MED6: variants seen among roughly 807,000 people sequenced by gnomAD.
MED6 encodes the protein mediator of RNA polymerase II transcription subunit 6.
MED6 carries 33 observed loss-of-function variants against 37.5 expected under a neutral mutation model. The ratio of observed to expected loss-of-function variants is 0.88; its 90% CI spans 0.67 to 1.18. The LOEUF is 1.18. Ranked by LOEUF, MED6 falls within the 50% of genes most tolerant of loss-of-function variation. The pLI, the probability that MED6 is intolerant of heterozygous loss-of-function variation, is 0.00. For missense variants in MED6, 235 were observed against 290.6 expected (o/e 0.81, Z 1.39); for synonymous variants, 94 against 93.6 (o/e 1.00, Z -0.02).
chr14:70,594,934 T>G, intron 3 of MED6: 1 of 609,818 alleles, frequency 1.6e-6, no homozygotes. Flanking sequence ...GGTCAGAGAT[T>G]GGGGCCATTA....
intron 6 of MED6, among the ~76,000 whole-genome samples, chr14:70,589,987 T>G (rs1388195056): frequency 1.3e-5 from 2 of 152,244 alleles, no homozygotes; most frequent in African/African-American, 2.4e-5. Context: ...AAACATGTAT[T>G]TTATTTAACC....
chr14:70,585,814 G>C (rs10137634), intron 6 of MED6, 31 bp from the exon 7 acceptor site: 2 of 1,592,202 alleles, frequency 1.3e-6, no homozygotes, highest in East Asian at 2.3e-5. Context: ...GGGAGGGAGA[G>C]GAAGAGGAAA....
chr14:70,595,001 C>G (rs1245256297), intron 3 of MED6: 1 of 582,818 alleles, frequency 1.7e-6, no homozygotes, highest in Non-Finnish European at 3.4e-6. Context: ...GTGGACAATG[C>G]CCACATTGTT....
chr14:70,599,128 C>T (rs1358153044), intron 1 of MED6, among the ~76,000 whole-genome samples: 1 of 152,056 alleles, frequency 6.6e-6, no homozygotes, highest in African/African-American at 2.4e-5. Context: ...GGTTGAAAAA[C>T]TTCAATCTCT....
At chr14:70,595,349 G>C in intron 3 of MED6, 1 of 560,514 alleles carries the variant, frequency 1.8e-6, no homozygotes, top group Non-Finnish European at 3.4e-6. Context: ...ACAAGTACTG[G>C]TCTCAGCAGA....
At chr14:70,588,216 T>C (rs1714994360) in intron 6 of MED6, among the ~76,000 whole-genome samples, 1 of 152,228 alleles carries the variant, frequency 6.6e-6, no homozygotes, top group Non-Finnish European at 1.5e-5. Context: ...ATCTTTCTCC[T>C]AGTTATGTTA....
chr14:70,593,368 T>C lies in MED6; in HGVS notation c.285A>G (p.Leu95=). ...QRQSPAQVIP[L]ADYYIIAGVI... ...CTCCAGCAATGATATAGTAATCAGCTAGTGGGATAACTAAAACAGTGGGAA... is the reference window on the plus strand; with the variant it reads ...CTCCAGCAATGATATAGTAATCAGCCAGTGGGATAACTAAAACAGTGGGAA... The change falls in exon 4 of 8, where the codon CTA becomes CTG. Residue 95 remains leucine, a synonymous_variant. Transcript: ENST00000256379. 6.2e-7 allele frequency: 1 copy of C among 1,613,058 alleles called. No individual in the cohort carries two copies. The highest frequency in any genetic ancestry group is 8.5e-7 in the Non-Finnish European group (1 of 1,179,174).
At position 70,596,711 on chromosome 14, in the gene MED6, A is replaced by G; in HGVS notation, c.183-9T>C. 6.3e-7 allele frequency: 1 copy of G among 1,598,996 alleles called. No homozygotes were observed. The highest frequency in any genetic ancestry group is 1.1e-5 in the South Asian group (1 of 90,538). ...CGATTCCAACCATCTGACTGAAAAC[A>G]GAACACAGACATCCAAAGATCTATA... On this transcript the variant is annotated splice_polypyrimidine_tract_variant and intron_variant, in intron 2 of 7. Coordinates refer to ENST00000256379, the MANE Select transcript of MED6 (RefSeq NM_005466.4).
At chr14:70,596,404 G>A (rs558893023) in intron 3 of MED6, 8 of 458,448 alleles carry the variant, frequency 1.7e-5, no homozygotes, top group South Asian at 3.6e-5. Flanking sequence ...ATCTGGCTGC[G>A]TACCCTTACT....
chr14:70,597,654 A>G lies in MED6; in HGVS notation c.146T>C (p.Val49Ala). 6.5e-7 allele frequency: 1 copy of G among 1,533,986 alleles called. No homozygotes were observed. The highest frequency in any genetic ancestry group is 8.7e-7 in the Non-Finnish European group (1 of 1,147,318). Residue 49 changes from valine (V) to alanine (A), a missense_variant, in exon 2 of 8, where the codon GTG (valine) becomes GCG (alanine). Physicochemically the swap from Val to Ala is moderately conservative, Grantham distance 64. Coordinates refer to ENST00000256379, the MANE Select transcript of MED6 (RefSeq NM_005466.4). ...TAATGTTAGCCTCTGCATTTTGACC[A>G]CTTCATTATTACATGTTCTGTCATA... is the stretch of plus-strand genomic sequence containing the variant. ...PFYDRTCNNE[V>A]VKMQRLTLEH...
rs1388854617 is a variant in MED6, at chr14:70,587,384, A to G, written c.583-1601T>C. Among the ~76,000 whole-genome samples the G allele has an allele frequency of 5.3e-5, 8 of 152,230 alleles. No individual in the cohort carries two copies. The East Asian group carries it at 1.5e-3, about 29-fold the overall frequency. On this transcript the variant is annotated intron_variant, in intron 6 of 7. Coordinates refer to ENST00000256379, the MANE Select transcript of MED6 (RefSeq NM_005466.4). ...ATCCCCAAATACGGGAGTCATCATG[A>G]GAACCCCCAACAAAGCCACATATCA...
At chr14:70,594,489 A>T in intron 3 of MED6, 1 of 310,678 alleles carries the variant, frequency 3.2e-6, no homozygotes, top group Admixed American at 3.4e-5. Context: ...TGTGAAAAAA[A>T]AAGTTAATTG....
rs2139584777 is a variant in MED6, at chr14:70,584,608, T to G, written c.*205A>C. 1 of 514,400 alleles carries G rather than the reference T, an allele frequency of 1.9e-6. No homozygotes were observed. The highest frequency in any genetic ancestry group is 3.9e-5 in the East Asian group (1 of 25,706). 31.9% of individuals were successfully genotyped at this position (514,400 alleles called of 1,614,324 possible). On this transcript the variant is annotated 3_prime_UTR_variant, in exon 8 of 8. Transcript: ENST00000256379. ...TCAGGCTGGTCTTGAACTTCTGACC[T>G]CAAGTGATCCACCCGCCATGGCCTC...
intron 5 of MED6, among the ~76,000 whole-genome samples, chr14:70,592,010 T>C (rs531318227): frequency 1.3e-5 from 2 of 152,156 alleles, no homozygotes; most frequent in Non-Finnish European, 2.9e-5. Flanking sequence ...TTGGTTATCG[T>C]AGGGGAAAAG....
chr14:70,588,688 AAATAATAATAATAATAATAATAAT>A (rs77093432), intron 6 of MED6, among the ~76,000 whole-genome samples: 10,371 of 134,618 alleles, frequency 0.077, 658 homozygotes, highest in African/African-American at 0.16. Context: ...TCCGTCTCAA[AAATAATAATAATAATAATAATAAT>A]AATAATAATA....
At chr14:70,597,859 G>GT in intron 1 of MED6, 82 bp from the exon 2 acceptor site, 1 of 1,152,050 alleles carries the variant, frequency 8.7e-7, no homozygotes, top group Non-Finnish European at 1.2e-6. Flanking sequence ...TACATCAAAT[G>GT]TAGTAGGCAC....
intron 3 of MED6, chr14:70,595,269 AG>A (rs1885009288): frequency 3.7e-6 from 2 of 547,466 alleles, no homozygotes; most frequent in African/African-American, 3.7e-5. Flanking sequence ...CCCAAATCTC[AG>A]GACCTCGCCA....
chr14:70,597,188 T>C (rs1165688725), intron 2 of MED6, among the ~76,000 whole-genome samples: 1 of 152,222 alleles, frequency 6.6e-6, no homozygotes, highest in Non-Finnish European at 1.5e-5. Context: ...ATAGCTGTAT[T>C]TGCCCCATAA....
At chr14:70,592,023 C>T (rs1262868856) in intron 5 of MED6, among the ~76,000 whole-genome samples, 1 of 152,132 alleles carries the variant, frequency 6.6e-6, no homozygotes, top group African/African-American at 2.4e-5. Flanking sequence ...GGGAAAAGAG[C>T]CATTGGGCCA....
Sources: allele counts gnomAD v4.1 joint callset (sites outside exome capture counted in the v4.1 genomes callset), GRCh38; gene constraint gnomAD v4.1.1; transcripts MANE v1.5; gene names NCBI Gene and HGNC (gene_info 2026-07-23, HGNC 2026-07-21).